TUSC3: variants seen among roughly 807,000 people sequenced by gnomAD.
The protein encoded by TUSC3 is dolichyl-diphosphooligosaccharide--protein glycosyltransferase subunit TUSC3.
In TUSC3, 45 loss-of-function variants were observed where a neutral mutation model predicts 44.8. The ratio of observed to expected loss-of-function variants is 1.00; its 90% confidence interval spans 0.79 to 1.29. The LOEUF (loss-of-function observed/expected upper bound fraction) is 1.29. Ranked by LOEUF, TUSC3 falls within the 50% of genes most tolerant of loss-of-function variation. The pLI, the probability that TUSC3 is intolerant of heterozygous loss-of-function variation, is 0.00. For missense variants in TUSC3, 519 were observed against 437.9 expected, an observed-to-expected ratio of 1.19 and a Z score of -1.65; for synonymous variants, 212 against 152.9, an observed-to-expected ratio of 1.39 and a Z score of -2.85.
At chr8:15,585,871 C>G (rs763375941) in intron 1 of TUSC3, among the ~76,000 whole-genome samples, 3 of 152,160 alleles carry the variant, frequency 2.0e-5, no homozygotes, top group Non-Finnish European at 4.4e-5. Context: ...TTTGTTTCTC[C>G]TCTCTCAATA....
intron 2 of TUSC3, among the ~76,000 whole-genome samples, chr8:15,487,112 T>C (rs1800742824): frequency 6.6e-6 from 1 of 152,338 alleles, no homozygotes; most frequent in Admixed American, 6.5e-5. Flanking sequence ...CATTGCCTAT[T>C]AAATTTGAGG....
rs866654760 is a variant in TUSC3 at position 15,427,533 on chromosome 8, A to G, written n.91+10228A>G. Among the ~76,000 whole-genome samples the G allele has an allele frequency of 1.1e-4, 16 of 152,164 alleles. No homozygotes were observed. The South Asian group carries it at 1.9e-3, about 18-fold the overall frequency. ...AAGTATGCCAACGTATAAAACCCCAACTTGACAGGTCAAGCCACGCACTTG... is the reference window on the plus strand; with the variant it reads ...AAGTATGCCAACGTATAAAACCCCAGCTTGACAGGTCAAGCCACGCACTTG... On this transcript the variant is annotated intron_variant and non_coding_transcript_variant, in intron 1 of 5. Coordinates refer to the TUSC3 transcript ENST00000503191.
chr8:15,439,936 G>A (rs1446675824), intron 1 of TUSC3, among the ~76,000 whole-genome samples: 2 of 152,150 alleles, frequency 1.3e-5, no homozygotes, highest in Non-Finnish European at 2.9e-5. Context: ...ACAGATACTA[G>A]TTAAATTATT....
At chr8:15,788,869 G>T in the TUSC3 span, among the ~76,000 whole-genome samples, 1 of 152,144 alleles carries the variant, frequency 6.6e-6, no homozygotes, top group Non-Finnish European at 1.5e-5. Flanking sequence ...CTTGAAAGAA[G>T]TTATTGCTGG....
At chr8:15,589,772 A>G (rs1803746571) in intron 1 of TUSC3, among the ~76,000 whole-genome samples, 1 of 152,182 alleles carries the variant, frequency 6.6e-6, no homozygotes, top group Non-Finnish European at 1.5e-5. Context: ...GCCTTAGACA[A>G]CTTAAGTAAT....
chr8:15,470,517 T>G (rs780924524), intron 1 of TUSC3, among the ~76,000 whole-genome samples: 1 of 152,130 alleles, frequency 6.6e-6, no homozygotes, highest in Non-Finnish European at 1.5e-5. Context: ...TGTGTGATGT[T>G]GATAGTAGAG....
chr8:15,628,773 A>G (rs1057242342), intron 2 of TUSC3, among the ~76,000 whole-genome samples: 1 of 152,244 alleles, frequency 6.6e-6, no homozygotes, highest in Non-Finnish European at 1.5e-5. Context: ...AGTCTGTAGA[A>G]TTAAATGATG....
chr8:15,807,122 T>G, the TUSC3 span: 2 of 1,102,118 alleles, frequency 1.8e-6, no homozygotes, highest in Admixed American at 3.5e-5. Flanking sequence ...CAGCAAAGAA[T>G]GACCACCTTT....
At chr8:15,689,118 G>A (rs531197957) in intron 6 of TUSC3, 3 of 380,256 alleles carry the variant, frequency 7.9e-6, no homozygotes, top group South Asian at 2.3e-5. Context: ...GTCTTGTCTT[G>A]CACGCCATTC....
At chr8:15,452,855 G>T (rs999685928) in intron 1 of TUSC3, among the ~76,000 whole-genome samples, 9 of 152,102 alleles carry the variant, frequency 5.9e-5, no homozygotes, top group Non-Finnish European at 1.3e-4. Flanking sequence ...TCTTGTGCTG[G>T]TCTGCCCATT....
intron 1 of TUSC3, among the ~76,000 whole-genome samples, chr8:15,417,784 G>A (rs1000113770): frequency 7.2e-5 from 11 of 152,154 alleles, no homozygotes; most frequent in Admixed American, 3.3e-4. Flanking sequence ...TACAGTTAAT[G>A]TTCCTGATTG....
upstream of TUSC3, among the ~76,000 whole-genome samples, chr8:15,536,681 C>CAA (rs570573410): frequency 0.012 from 528 of 45,522 alleles, 68 homozygotes; most frequent in Middle Eastern, 0.018. Flanking sequence ...GATTCCGTCT[C>CAA]AAAAAAAAAA....
the TUSC3 span, among the ~76,000 whole-genome samples, chr8:15,817,508 G>T: frequency 6.6e-6 from 1 of 152,082 alleles, no homozygotes; most frequent in African/African-American, 2.4e-5. Context: ...GGACCTCGTG[G>T]GAGGTAATTG....
downstream of TUSC3, among the ~76,000 whole-genome samples, chr8:15,769,232 T>C (rs555587516): frequency 2.0e-5 from 3 of 152,190 alleles, no homozygotes; most frequent in African/African-American, 4.8e-5. Context: ...AACAGATATA[T>C]AGACCAATGG....
At chr8:15,560,521 T>C (rs528348217) in intron 1 of TUSC3, among the ~76,000 whole-genome samples, 7 of 150,758 alleles carry the variant, frequency 4.6e-5, no homozygotes, top group Non-Finnish European at 8.9e-5. Flanking sequence ...TGTGGCATTC[T>C]CTGTGTTTCC....
chr8:15,664,924 C>A (rs1202588236), intron 5 of TUSC3, among the ~76,000 whole-genome samples: 2 of 151,162 alleles, frequency 1.3e-5, no homozygotes, highest in African/African-American at 4.8e-5. Context: ...ATTACCATCA[C>A]CACCAAACTT....
chr8:15,820,550 C>T, the TUSC3 span, among the ~76,000 whole-genome samples: 2 of 152,092 alleles, frequency 1.3e-5, no homozygotes. Flanking sequence ...GATCTCTTGA[C>T]CTCATGATCG....
chr8:15,567,785 A>C (rs893841721), intron 1 of TUSC3, among the ~76,000 whole-genome samples: 2 of 152,126 alleles, frequency 1.3e-5, no homozygotes, highest in Admixed American at 1.3e-4. Flanking sequence ...TTTTGTGGTT[A>C]TTGTGTGCAC....
the TUSC3 span, among the ~76,000 whole-genome samples, chr8:15,845,656 T>C: frequency 1.3e-5 from 2 of 152,178 alleles, no homozygotes; most frequent in Non-Finnish European, 2.9e-5. Flanking sequence ...AGTTGTCATT[T>C]ATTTGCAGGG....
Sources: gnomAD v4.1 joint callset for allele counts (sites outside exome capture counted in the v4.1 genomes callset) on GRCh38, gnomAD v4.1.1 for gene constraint, MANE v1.5 for transcripts, NCBI Gene and HGNC (gene_info 2026-07-23, HGNC 2026-07-21) for gene names.